BTBD16: variants seen among roughly 807,000 people sequenced by gnomAD.
BTBD16 encodes the protein BTB domain containing 16.
In BTBD16, 66 loss-of-function variants were observed where a neutral mutation model predicts 67.4. The ratio of observed to expected loss-of-function variants is 0.98; its 90% CI spans 0.80 to 1.20. BTBD16 has a LOEUF of 1.20. Among genes scored for constraint, BTBD16 ranks in the 50% most tolerant of loss-of-function variants. BTBD16 has a pLI of 0.00. For synonymous variants in BTBD16, 242 were observed against 236.4 expected (o/e 1.02, Z -0.22); for missense variants, 634 against 616.0 (o/e 1.03, Z -0.31).
intron 8 of BTBD16, among the ~76,000 whole-genome samples, chr10:122,298,680 C>G (rs554330144): frequency 1.3e-5 from 2 of 152,108 alleles, no homozygotes; most frequent in African/African-American, 4.8e-5. Context: ...GGTTTGCATC[C>G]GGCTCTGCCA....
chr10:122,328,781 T>C, intron 10 of BTBD16: 1 of 985,432 alleles, frequency 1.0e-6, no homozygotes, highest in Non-Finnish European at 1.2e-6. Flanking sequence ...GGGCAGGGAA[T>C]GCGTGTCTGT....
intron 10 of BTBD16, among the ~76,000 whole-genome samples, chr10:122,325,548 G>T (rs2096442995): frequency 6.6e-6 from 1 of 151,984 alleles, no homozygotes; most frequent in Non-Finnish European, 1.5e-5. Flanking sequence ...ATGTGACAGG[G>T]GTTCTAAAAT....
At chr10:122,328,777 G>T in intron 10 of BTBD16, 1 of 985,398 alleles carries the variant, frequency 1.0e-6, no homozygotes, top group African/African-American at 1.7e-5. Flanking sequence ...AGAAGGGCAG[G>T]GAATGCGTGT....
chr10:122,271,689 G>A (rs1428144386), intron 1 of BTBD16, among the ~76,000 whole-genome samples, 175 bp downstream of exon 1: 1 of 152,130 alleles, frequency 6.6e-6, no homozygotes, highest in African/African-American at 2.4e-5. Flanking sequence ...GACCATTGTA[G>A]GTAGCTCCTG....
At chr10:122,304,550 C>CT (rs3037891) in intron 9 of BTBD16, among the ~76,000 whole-genome samples, 5,235 of 95,424 alleles carry the variant, frequency 0.055, 295 homozygotes, top group East Asian at 0.26. Flanking sequence ...AGCAGGTATT[C>CT]TTTTTTTTTT....
intron 10 of BTBD16, among the ~76,000 whole-genome samples, chr10:122,322,582 A>G (rs2096437468): frequency 6.6e-6 from 1 of 152,222 alleles, no homozygotes; most frequent in Non-Finnish European, 1.5e-5. Flanking sequence ...TCACCTAGCT[A>G]GAGAAGGAGA....
intron 10 of BTBD16, among the ~76,000 whole-genome samples, chr10:122,308,956 TG>T (rs1030332321): frequency 3.9e-5 from 6 of 152,270 alleles, no homozygotes; most frequent in African/African-American, 1.4e-4. Context: ...CCATCCGTGA[TG>T]GGGGCCACCC....
At chr10:122,277,599 A>G (rs1323898406) in intron 3 of BTBD16, among the ~76,000 whole-genome samples, 1 of 152,154 alleles carries the variant, frequency 6.6e-6, no homozygotes, top group African/African-American at 2.4e-5. Flanking sequence ...TGGAAGGCAA[A>G]GAGGAGCCGA....
chr10:122,300,903 T>A (rs2096392604), intron 9 of BTBD16, among the ~76,000 whole-genome samples: 1 of 152,208 alleles, frequency 6.6e-6, no homozygotes, highest in African/African-American at 2.4e-5. Flanking sequence ...AAATTAGATT[T>A]GGAAAGATTT....
At chr10:122,300,129 C>T (rs967769292) in intron 9 of BTBD16, among the ~76,000 whole-genome samples, 1 of 152,170 alleles carries the variant, frequency 6.6e-6, no homozygotes, top group African/African-American at 2.4e-5. Context: ...TGGTGAACAT[C>T]CTTCAACATT....
At chr10:122,275,581 C>G (rs1265259381) in intron 2 of BTBD16, among the ~76,000 whole-genome samples, 1 of 152,152 alleles carries the variant, frequency 6.6e-6, no homozygotes, top group Non-Finnish European at 1.5e-5. Flanking sequence ...GTAACTTGCT[C>G]AAGGTCACAC....
intron 15 of BTBD16, among the ~76,000 whole-genome samples, chr10:122,337,112 T>A (rs2096464500): frequency 6.6e-6 from 1 of 152,180 alleles, no homozygotes; most frequent in African/African-American, 2.4e-5. Context: ...CCTCAGTAGG[T>A]GGTTGCCAGC....
chr10:122,271,810 AAGATC>A (rs2096329273), intron 1 of BTBD16, among the ~76,000 whole-genome samples: 1 of 152,124 alleles, frequency 6.6e-6, no homozygotes, highest in South Asian at 2.1e-4. Context: ...TCTGGATTTC[AAGATC>A]AGCTAAAAAA....
In BTBD16 at chr10:122,307,297, ATTTT is replaced by A. The variant is rs766024825; in HGVS notation, c.903_906del (p.Phe301LeufsTer15). 1.9e-6 allele frequency: 3 copies of A among 1,604,952 alleles called. No homozygotes were observed. Among genetic ancestry groups the A allele is most frequent in the Non-Finnish European group, 2.5e-6 (3 of 1,177,370 alleles). On this transcript the variant is annotated frameshift_variant, in exon 10 of 16. Coordinates refer to ENST00000260723, the MANE Select transcript of BTBD16 (RefSeq NM_144587.5). LOFTEE classifies it high-confidence loss of function. ...TTCCGACTTATGAAACCGTGATGAC[ATTTT>A]TTAAGAGGTAATATAACTTAGTGTT... is the stretch of plus-strand genomic sequence containing the variant.
At chr10:122,277,806 G>T (rs758406012) in intron 3 of BTBD16, among the ~76,000 whole-genome samples, 15 of 152,140 alleles carry the variant, frequency 9.9e-5, no homozygotes, top group Non-Finnish European at 1.6e-4. Context: ...CAACATTGGG[G>T]ATCAAATTTC....
At chr10:122,334,494 CTTTTTTTTTTT>C (rs869262992) in intron 13 of BTBD16, among the ~76,000 whole-genome samples, 18 of 43,258 alleles carry the variant, frequency 4.2e-4, no homozygotes, top group Non-Finnish European at 5.1e-4. Context: ...CGTGCCCGGC[CTTTTTTTTTTT>C]TTTTTTTTTT....
intron 2 of BTBD16, among the ~76,000 whole-genome samples, chr10:122,276,583 CA>C (rs1437914854): frequency 1.3e-5 from 2 of 152,180 alleles, no homozygotes; most frequent in Non-Finnish European, 2.9e-5. Flanking sequence ...TCCTAAATTC[CA>C]AATTACTTTG....
At chr10:122,280,837 G>T (rs1440941976) in intron 3 of BTBD16, among the ~76,000 whole-genome samples, 2 of 152,096 alleles carry the variant, frequency 1.3e-5, no homozygotes, top group Non-Finnish European at 2.9e-5. Context: ...AACAAGTCTT[G>T]CTTTGTTGTC....
At chr10:122,312,283 A>C (rs2096415063) in intron 10 of BTBD16, among the ~76,000 whole-genome samples, 1 of 147,154 alleles carries the variant, frequency 6.8e-6, no homozygotes, top group Admixed American at 6.8e-5. Context: ...AGGTATCTTC[A>C]GTCTTTCACT....
Sources: allele counts gnomAD v4.1 joint callset (sites outside exome capture counted in the v4.1 genomes callset), GRCh38; gene constraint gnomAD v4.1.1; transcripts MANE v1.5; gene names NCBI Gene and HGNC (gene_info 2026-07-23, HGNC 2026-07-21).